Variants in OPA3 observed in about 807,000 individuals in gnomAD.
OPA3 encodes the protein outer mitochondrial membrane lipid metabolism regulator OPA3.
Under a neutral mutation model 4.0 loss-of-function variants are expected in OPA3, and 6 were observed. The observed-to-expected ratio is 1.51, with a 90% CI of 0.83 to 2.99. The LOEUF (loss-of-function observed/expected upper bound fraction) is 2.99. Ranked by LOEUF, OPA3 falls within the 30% of genes most tolerant of loss-of-function variation. OPA3 has a pLI of 0.00. For missense variants in OPA3, 235 were observed against 256.2 expected (o/e 0.92, Z 0.56); for synonymous variants, 105 against 117.1 (o/e 0.90, Z 0.67).
At chr19:45,544,674 A>T (rs1205972234), downstream of OPA3, among the ~76,000 whole-genome samples, 2 of 152,130 alleles carry the variant, frequency 1.3e-5, no homozygotes, top group Non-Finnish European at 2.9e-5. Flanking sequence ...CACACCTGTG[A>T]TCCCAGCTAC....
rs770452409 is a variant in OPA3, at chr19:45,553,916, G to A, written c.143-5C>T. 4 of 1,601,180 alleles carry A rather than the reference G, an allele frequency of 2.5e-6. No homozygotes were observed. Among genetic ancestry groups the A allele is most frequent in the South Asian group, 1.1e-5 (1 of 90,488 alleles). On this transcript the variant is annotated splice_polypyrimidine_tract_variant and splice_region_variant and intron_variant, in intron 1 of 1. Coordinates refer to ENST00000263275, the MANE Select transcript of OPA3 (RefSeq NM_025136.4). ...GCATCTCCACCCAGTGATACACTGCGGGGGAAGAGAGGGGTCAGGCTGCGC... is the reference window on the plus strand; with the variant it reads ...GCATCTCCACCCAGTGATACACTGCAGGGGAAGAGAGGGGTCAGGCTGCGC...
In OPA3 at chr19:45,553,695, T is replaced by C. The variant is rs769813697; in HGVS notation, c.359A>G (p.Asn120Ser). The C allele has an allele frequency of 1.9e-5, 30 of 1,607,354 alleles. No individual in the cohort carries two copies. Among genetic ancestry groups the C allele is most frequent in the Non-Finnish European group, 2.5e-5 (30 of 1,179,028 alleles). The change falls in exon 2 of 2, where the codon AAC becomes AGC. Residue 120 changes from asparagine (N) to serine (S), a missense_variant. Transcript: ENST00000263275. ...GTGGCCCACCTCGTCCCGCAGCGCGTTCCAGGCAGCACGCTGCTCCTCCTC... is the reference window on the plus strand; with the variant it reads ...GTGGCCCACCTCGTCCCGCAGCGCGCTCCAGGCAGCACGCTGCTCCTCCTC... ...HKEEEQRAAWNALRDEVGHLA... is the reference protein window; with the variant it reads ...HKEEEQRAAWSALRDEVGHLA...
intron 1 of OPA3, among the ~76,000 whole-genome samples, chr19:45,570,273 A>C (rs1184013155): frequency 6.6e-6 from 1 of 152,182 alleles, no homozygotes. Flanking sequence ...CTGCATAATG[A>C]AGGGTGGGAC....
chr19:45,550,352 T>C lies in OPA3; in HGVS notation c.*3162A>G, dbSNP rs139795580. ...TTCCCAAAAGCGGGCCCAGGTGGAA[T>C]GGTCACCCAGTTTACACAATGCTAT... On this transcript the variant is annotated 3_prime_UTR_variant, in exon 2 of 2. Coordinates refer to ENST00000263275, the MANE Select transcript of OPA3 (RefSeq NM_025136.4). 3.0e-6 allele frequency: 3 copies of C among 985,100 alleles called. No individual in the cohort carries two copies. The African/African-American group carries it at 5.2e-5, about 17-fold the overall frequency. The allele number at this position is 985,100 out of a possible 1,614,324, so 61.0% of individuals were successfully genotyped here. A position where few individuals can be genotyped will look rare whatever the true frequency, so the allele number is the denominator to read the frequency against.
chr19:45,558,533 G>A (rs896187346), intron 1 of OPA3, among the ~76,000 whole-genome samples: 5 of 152,124 alleles, frequency 3.3e-5, no homozygotes, highest in African/African-American at 9.7e-5. Flanking sequence ...ACAGCCCATA[G>A]TAAGCATACC....
chr19:45,567,499 A>T (rs1420760074), intron 1 of OPA3, among the ~76,000 whole-genome samples: 2 of 152,112 alleles, frequency 1.3e-5, no homozygotes, highest in Admixed American at 1.3e-4. Context: ...ATCAACAAGG[A>T]GAGAAGTCAG....
At position 45,553,448 on chromosome 19, in the gene OPA3, G is replaced by C. The variant is rs973670064; in HGVS notation, c.*66C>G. On this transcript the variant is annotated 3_prime_UTR_variant, in exon 2 of 2. Coordinates refer to ENST00000263275, the MANE Select transcript of OPA3 (RefSeq NM_025136.4). ...CACTGGGCCAGCGCAGGCAAGGGTGGTGCGGGAAGAAGGCCACGTTAGGTA... is the reference window on the plus strand; with the variant it reads ...CACTGGGCCAGCGCAGGCAAGGGTGCTGCGGGAAGAAGGCCACGTTAGGTA... 1.7e-5 allele frequency: 27 copies of C among 1,604,898 alleles called. No individual in the cohort carries two copies. The Middle Eastern group carries it at 6.6e-4, about 39-fold the overall frequency.
intron 1 of OPA3, 71 bp downstream of exon 1, chr19:45,584,552 A>C: frequency 5.6e-6 from 9 of 1,612,188 alleles, no homozygotes; most frequent in Non-Finnish European, 7.6e-6. Context: ...ACAGAAGTCC[A>C]TCCCCTAAGC....
intron 1 of OPA3, among the ~76,000 whole-genome samples, chr19:45,580,600 C>CTATT (rs71173184): frequency 0.44 from 60,480 of 137,552 alleles, 14,292 homozygotes; most frequent in Middle Eastern, 0.52. Context: ...GCACAGAAGC[C>CTATT]TATTTATTTA....
At chr19:45,543,382 G>A (rs961645726), downstream of OPA3, among the ~76,000 whole-genome samples, 2 of 149,560 alleles carry the variant, frequency 1.3e-5, no homozygotes, top group Admixed American at 6.7e-5. Flanking sequence ...GTGCAGTGAC[G>A]TGATCTCGGC....
chr19:45,576,781 G>A (rs1366852172), intron 1 of OPA3, among the ~76,000 whole-genome samples: 1 of 152,110 alleles, frequency 6.6e-6, no homozygotes, highest in African/African-American at 2.4e-5. Flanking sequence ...GGACCCCTGT[G>A]ATCACACTGA....
exon 2 of OPA3, chr19:45,527,574 A>T (rs545911554): frequency 4.6e-5 from 7 of 151,804 alleles, no homozygotes; most frequent in African/African-American, 1.7e-4. Context: ...ACGCCTAGCT[A>T]ATATTTTCAT....
intron 1 of OPA3, among the ~76,000 whole-genome samples, chr19:45,579,374 C>A (rs377256257): frequency 6.6e-6 from 1 of 152,122 alleles, no homozygotes; most frequent in Non-Finnish European, 1.5e-5. Context: ...GTGCCTGCCA[C>A]CACACCTGGC....
downstream of OPA3, among the ~76,000 whole-genome samples, chr19:45,542,153 C>T (rs2122398511): frequency 6.6e-6 from 1 of 152,272 alleles, no homozygotes; most frequent in South Asian, 2.1e-4. Flanking sequence ...TACTTCCAGC[C>T]CTGGTCCATA....
At chr19:45,562,347 A>G (rs1416965556) in intron 1 of OPA3, among the ~76,000 whole-genome samples, 1 of 85,362 alleles carries the variant, frequency 1.2e-5, no homozygotes, top group Non-Finnish European at 2.3e-5. Context: ...CCATCTCAAA[A>G]AAAAAAAAAA....
At position 45,553,878 on chromosome 19, in the gene OPA3, C is replaced by G; in HGVS notation, c.176G>C (p.Arg59Pro). 3 of 1,610,026 alleles carry G rather than the reference C, an allele frequency of 1.9e-6. No homozygotes were observed. The highest frequency in any genetic ancestry group is 2.5e-6 in the Non-Finnish European group (3 of 1,177,062). The change falls in exon 2 of 2, where the codon CGC (arginine) becomes CCC (proline). Residue 59 changes from arginine (R) to proline (P), a missense_variant. Physicochemically the swap from Arg to Pro is moderately radical, Grantham distance 103. Coordinates refer to ENST00000263275, the MANE Select transcript of OPA3 (RefSeq NM_025136.4). ...GACCGTGCCCCGGAAGCCCATGATG[C>G]GCATCTTGGTCCGCATCTCCACCCA... ...YHWVEMRTKMRIMGFRGTVIK... is the reference protein window; with the variant it reads ...YHWVEMRTKMPIMGFRGTVIK...
chr19:45,580,572 T>C (rs1157685397), intron 1 of OPA3, among the ~76,000 whole-genome samples: 2 of 151,574 alleles, frequency 1.3e-5, no homozygotes, highest in Non-Finnish European at 2.9e-5. Flanking sequence ...GGATTATAGG[T>C]GGGAGGCACC....
intron 1 of OPA3, among the ~76,000 whole-genome samples, chr19:45,581,532 C>T (rs554670999): frequency 5.8e-4 from 88 of 152,332 alleles, no homozygotes; most frequent in East Asian, 2.9e-3. Context: ...GTCTGTCCCC[C>T]GCAGGACTAG....
chr19:45,563,712 T>A (rs1016619679), intron 1 of OPA3, among the ~76,000 whole-genome samples: 1 of 151,950 alleles, frequency 6.6e-6, no homozygotes, highest in African/African-American at 2.4e-5. Context: ...CACGCCACCA[T>A]GCCCTGCTAA....
Sources: allele counts gnomAD v4.1 joint callset (sites outside exome capture counted in the v4.1 genomes callset), GRCh38; gene constraint gnomAD v4.1.1; transcripts MANE v1.5; gene names NCBI Gene and HGNC (gene_info 2026-07-23, HGNC 2026-07-21).